The following MTUS2 variants were observed in gnomAD, a reference collection of about 807,000 sequenced individuals.
MTUS2 encodes the protein microtubule associated scaffold protein 2, also known as microtubule-associated tumor suppressor candidate 2.
In MTUS2, 40 loss-of-function variants were observed where a neutral mutation model predicts 114.1. The ratio of observed to expected loss-of-function variants is 0.35; its 90% CI spans 0.27 to 0.46. The LOEUF (loss-of-function observed/expected upper bound fraction) is 0.46. Among genes scored for constraint, MTUS2 ranks in the 20% least tolerant of loss-of-function variants. MTUS2 has a pLI of 1.00. For synonymous variants in MTUS2, 688 were observed against 672.0 expected, an observed-to-expected ratio of 1.02 and a Z score of -0.37; for missense variants, 1,679 against 1,705.4, an observed-to-expected ratio of 0.98 and a Z score of 0.27.
intron 8 of MTUS2, among the ~76,000 whole-genome samples, chr13:29,377,676 A>G (rs1202990746): frequency 6.7e-6 from 1 of 150,010 alleles, no homozygotes; most frequent in African/African-American, 2.4e-5. Context: ...AAAAGAAGAA[A>G]GACTCAAATC....
At chr13:29,084,669 CTGGGACTGTAGG>C in intron 4 of MTUS2, among the ~76,000 whole-genome samples, 1 of 151,854 alleles carries the variant, frequency 6.6e-6, no homozygotes, top group Non-Finnish European at 1.5e-5. Context: ...TCCCTAGGAG[CTGGGACTGTAGG>C]TGCATGACAC....
chr13:29,025,023 A>C lies in MTUS2; in HGVS notation c.325A>C (p.Asn109His). 1 of 1,614,030 alleles carries C rather than the reference A, an allele frequency of 6.2e-7. No individual in the cohort carries two copies. The highest frequency in any genetic ancestry group is 8.5e-7 in the Non-Finnish European group (1 of 1,179,896). The change falls in exon 3 of 16, where the codon AAT becomes CAT. Residue 109 changes from asparagine to histidine, a missense_variant. This residue lies in a region of MTUS2 where 843 missense variants were observed against 770.8 expected (regional missense o/e 1.09). Transcript: ENST00000612955. ...RLSSTIQRELNEEHTVERGTD... is the reference protein window; with the variant it reads ...RLSSTIQRELHEEHTVERGTD... ...TTCTTCAACCATTCAGAGGGAACTCAATGAAGAGCACACAGTGGAGAGAGG... is the reference window on the plus strand; with the variant it reads ...TTCTTCAACCATTCAGAGGGAACTCCATGAAGAGCACACAGTGGAGAGAGG...
chr13:29,232,292 ACACACGCGCGCG>A (rs778159478), intron 5 of MTUS2, among the ~76,000 whole-genome samples: 66 of 34,830 alleles, frequency 1.9e-3, no homozygotes, highest in African/African-American at 8.3e-3. Context: ...ACACACACAC[ACACACGCGCGCG>A]CGCACACACA....
chr13:29,318,802 A>G (rs1566127678), intron 6 of MTUS2, among the ~76,000 whole-genome samples: 1 of 152,148 alleles, frequency 6.6e-6, no homozygotes, highest in Non-Finnish European at 1.5e-5. Flanking sequence ...GACACTCTCT[A>G]TGGATTGCTA....
At chr13:29,447,646 A>G (rs1593454262) in intron 9 of MTUS2, among the ~76,000 whole-genome samples, 1 of 144,340 alleles carries the variant, frequency 6.9e-6, no homozygotes. Flanking sequence ...GTCATAAAGT[A>G]TCTCATCCTC....
chr13:29,348,521 C>T (rs186794127), intron 7 of MTUS2, among the ~76,000 whole-genome samples: 7 of 152,252 alleles, frequency 4.6e-5, no homozygotes, highest in African/African-American at 1.4e-4. Context: ...TACTTAAAAA[C>T]AGTGTCTACT....
chr13:29,408,399 T>A (rs1874954407), intron 8 of MTUS2, among the ~76,000 whole-genome samples: 1 of 152,188 alleles, frequency 6.6e-6, no homozygotes, highest in Non-Finnish European at 1.5e-5. Flanking sequence ...CACTGCGGCC[T>A]CCATCTCCTG....
chr13:28,983,418 T>TG (rs1884445107), intron 2 of MTUS2, among the ~76,000 whole-genome samples: 1 of 152,248 alleles, frequency 6.6e-6, no homozygotes, highest in South Asian at 2.1e-4. Flanking sequence ...GCTGTAAATG[T>TG]AAGATGCACA....
intron 5 of MTUS2, among the ~76,000 whole-genome samples, chr13:29,125,568 C>T (rs1015118158): frequency 6.6e-6 from 1 of 152,170 alleles, no homozygotes; most frequent in Non-Finnish European, 1.5e-5. Flanking sequence ...TCTACATGAA[C>T]GGTTTCATGC....
chr13:28,852,914 T>TACATACATACATACAG, intron 2 of MTUS2, among the ~76,000 whole-genome samples: 1 of 149,022 alleles, frequency 6.7e-6, no homozygotes, highest in South Asian at 2.1e-4. Flanking sequence ...CATACATACA[T>TACATACATACATACAG]ACATACATAC....
intron 7 of MTUS2, among the ~76,000 whole-genome samples, chr13:29,329,420 T>G (rs1390043718): frequency 6.6e-6 from 1 of 152,080 alleles, no homozygotes; most frequent in Non-Finnish European, 1.5e-5. Flanking sequence ...GTAAGTGTGC[T>G]GAGAATGATG....
chr13:29,462,307 C>T (rs1879554376), intron 9 of MTUS2, among the ~76,000 whole-genome samples: 1 of 152,064 alleles, frequency 6.6e-6, no homozygotes, highest in Admixed American at 6.6e-5. Flanking sequence ...GCTACAGAGT[C>T]CAGATGGTGC....
chr13:29,043,624 G>T (rs1887473952), intron 4 of MTUS2, among the ~76,000 whole-genome samples: 1 of 151,496 alleles, frequency 6.6e-6, no homozygotes, highest in African/African-American at 2.4e-5. Context: ...GAGCTCCAGT[G>T]TTAGAGATAT....
chr13:28,911,084 C>G (rs1880396078), intron 2 of MTUS2, among the ~76,000 whole-genome samples: 2 of 150,776 alleles, frequency 1.3e-5, no homozygotes, highest in Non-Finnish European at 2.9e-5. Context: ...ACCGTGTTAT[C>G]CAGGATGGTC....
At chr13:28,995,662 A>G (rs1006997769) in intron 2 of MTUS2, among the ~76,000 whole-genome samples, 2,624 of 152,136 alleles carry the variant, frequency 0.017, 77 homozygotes, top group African/African-American at 0.059. Context: ...CTTTGAAGCA[A>G]TTGTGAATGG....
At chr13:29,328,579 A>G (rs1900628361) in intron 7 of MTUS2, among the ~76,000 whole-genome samples, 1 of 152,194 alleles carries the variant, frequency 6.6e-6, no homozygotes, top group Non-Finnish European at 1.5e-5. Context: ...GTGGAGACCA[A>G]GGTTCTTAGT....
At position 29,501,949 on chromosome 13, in the gene MTUS2, CCT is replaced by C. The variant is rs370824749; in HGVS notation, c.3896+756_3896+757del. 2.6e-4 allele frequency among the ~76,000 whole-genome samples: 40 copies of C among 152,322 alleles called. 1 individual carries two copies. The highest frequency in any genetic ancestry group is 8.9e-4 in the African/African-American group (37 of 41,572). ...CAATCCCTCACACCTATTCACATGC[CCT>C]GTTTGCACACTCACACGTGCATGCT... On this transcript the variant is annotated intron_variant, in intron 15 of 15. Transcript: ENST00000612955.
intron 5 of MTUS2, among the ~76,000 whole-genome samples, chr13:29,257,213 A>G (rs1897309323): frequency 6.6e-6 from 1 of 152,172 alleles, no homozygotes; most frequent in African/African-American, 2.4e-5. Context: ...AAATGTACAC[A>G]TAACCATGTC....
chr13:29,215,495 T>A (rs4608190), intron 5 of MTUS2, among the ~76,000 whole-genome samples: 5 of 136,186 alleles, frequency 3.7e-5, no homozygotes, highest in South Asian at 2.4e-4. Flanking sequence ...TTTTTTTTTT[T>A]CCCCATCTTT....
Sources: allele counts gnomAD v4.1 joint callset (sites outside exome capture counted in the v4.1 genomes callset), GRCh38; gene constraint gnomAD v4.1.1; regional missense constraint gnomAD v4.1.1; transcripts MANE v1.5; gene names NCBI Gene and HGNC (gene_info 2026-07-23, HGNC 2026-07-21).